Variants in CNNM4 observed in about 807,000 individuals in gnomAD.
CNNM4 encodes the protein cyclin and CBS domain divalent metal cation transport mediator 4, also known as metal transporter CNNM4.
CNNM4 carries 32 observed loss-of-function variants against 53.7 expected under a neutral mutation model. That is an observed-to-expected ratio of 0.60 (90% CI 0.45 to 0.80). The LOEUF is 0.80. Ranked by LOEUF, CNNM4 falls within the 30% of genes least tolerant of loss-of-function variation. The pLI is 0.00. For missense variants in CNNM4, 784 were observed against 1,022.0 expected (o/e 0.77, Z 3.17); for synonymous variants, 410 against 440.0 (o/e 0.93, Z 0.85).
At position 96,793,128 on chromosome 2, in the gene CNNM4, AGC is replaced by A. The variant is rs1486037112; in HGVS notation, c.1403-3883_1403-3882del. Among the ~76,000 whole-genome samples, 8 of 152,154 alleles carry A rather than the reference AGC, an allele frequency of 5.3e-5. No homozygotes were observed. The East Asian group carries it at 1.5e-3, about 29-fold the overall frequency. On this transcript the variant is annotated intron_variant, in intron 1 of 6. Coordinates refer to ENST00000377075, the MANE Select transcript of CNNM4 (RefSeq NM_020184.4). Reference sequence around the variant, plus strand: ...AGAAGCAGTGACTCCTGAGGTCAGGAGCACTGGGAGGGCTGTGCCCTGGAAGC... The same window carrying A: ...AGAAGCAGTGACTCCTGAGGTCAGGAACTGGGAGGGCTGTGCCCTGGAAGC...
At chr2:96,802,021 G>C (rs1258634662) in intron 5 of CNNM4, among the ~76,000 whole-genome samples, 1 of 139,850 alleles carries the variant, frequency 7.2e-6, no homozygotes, top group Non-Finnish European at 1.6e-5. Flanking sequence ...ACACACAGAA[G>C]CACCCACCCA....
At position 96,801,193 on chromosome 2, in the gene CNNM4, G is replaced by T; in HGVS notation, c.1948+1545G>T. ...CTGCTGCCTGTGCCTGCACACTGCAGCTGCATTAACCTCCCCACATGGACC... is the reference window on the plus strand; with the variant it reads ...CTGCTGCCTGTGCCTGCACACTGCATCTGCATTAACCTCCCCACATGGACC... On this transcript the variant is annotated intron_variant, in intron 5 of 6. Transcript: ENST00000377075. The surrounding 1 kb of genome is among the most constrained non-coding windows in gnomAD (Gnocchi z 5.6). 4 of 906,712 alleles carry T rather than the reference G, an allele frequency of 4.4e-6. No homozygotes were observed. Among genetic ancestry groups the T allele is most frequent in the Non-Finnish European group, 5.3e-6 (4 of 757,962 alleles). The allele number at this position is 906,712 out of a possible 1,614,324, so 56.2% of individuals were successfully genotyped here.
Position 96,797,261 on chromosome 2 carries a change from T to A in CNNM4, c.1546+106T>A. 6.6e-7 allele frequency: 1 copy of A among 1,512,648 alleles called. No individual in the cohort carries two copies. The allele number at this position is 1,512,648 out of a possible 1,614,324, so 93.7% of individuals were successfully genotyped here. On this transcript the variant is annotated intron_variant, in intron 2 of 6. Coordinates refer to ENST00000377075, the MANE Select transcript of CNNM4 (RefSeq NM_020184.4). This position sits in a 1 kb window ranked among gnomAD's most constrained non-coding sequence, Gnocchi z 6.0. Reference sequence around the variant, plus strand: ...GTGCAGGGACACAGGAGGCCTAGCATCCAGAGGCCCAGTGGCTGGGTGCCC... The same window carrying A: ...GTGCAGGGACACAGGAGGCCTAGCAACCAGAGGCCCAGTGGCTGGGTGCCC...
chr2:96,761,789 C>G lies in CNNM4; in HGVS notation c.790C>G (p.Leu264Val). Residue 264 changes from leucine (L) to valine (V), a missense_variant, in exon 1 of 7, where the codon CTC (leucine) becomes GTC (valine). Coordinates refer to ENST00000377075, the MANE Select transcript of CNNM4 (RefSeq NM_020184.4). This position sits in a 1 kb window ranked among gnomAD's most constrained non-coding sequence, Gnocchi z 6.0. ...NTSLTILLDNLIGSGLMAVAS... is the reference protein window; with the variant it reads ...NTSLTILLDNVIGSGLMAVAS... Reference sequence around the variant, plus strand: ...CTCCCTCACAATCCTTCTAGACAACCTCATCGGGTCCGGCCTCATGGCGGT... The same window carrying G: ...CTCCCTCACAATCCTTCTAGACAACGTCATCGGGTCCGGCCTCATGGCGGT... 4 of 1,613,406 alleles carry G rather than the reference C, an allele frequency of 2.5e-6. No individual in the cohort carries two copies. Among genetic ancestry groups the G allele is most frequent in the Non-Finnish European group, 3.4e-6 (4 of 1,180,032 alleles).
chr2:96,773,609 G>A (rs1028730727), intron 1 of CNNM4, among the ~76,000 whole-genome samples: 4 of 152,068 alleles, frequency 2.6e-5, no homozygotes, highest in Non-Finnish European at 4.4e-5. Flanking sequence ...TTGGGAGGTC[G>A]AGGTGGACAG....
chr2:96,770,367 C>T (rs577295860), intron 1 of CNNM4, among the ~76,000 whole-genome samples: 1 of 152,344 alleles, frequency 6.6e-6, no homozygotes, highest in East Asian at 1.9e-4. Context: ...AGGAGCACAA[C>T]ATCAGGGAAT....
chr2:96,761,134 G>C lies in CNNM4; in HGVS notation c.135G>C (p.Thr45=). ...ARGQGSPQQG[T]IVGMRLASCN... Reference sequence around the variant, plus strand: ...GCCAGGGCAGCCCCCAGCAGGGCACGATCGTGGGCATGAGGCTGGCGAGCT... The same window carrying C: ...GCCAGGGCAGCCCCCAGCAGGGCACCATCGTGGGCATGAGGCTGGCGAGCT... The change falls in exon 1 of 7, where the codon ACG becomes ACC. Residue 45 remains threonine, a synonymous_variant. Coordinates refer to ENST00000377075, the MANE Select transcript of CNNM4 (RefSeq NM_020184.4). The surrounding 1 kb of genome is among the most constrained non-coding windows in gnomAD (Gnocchi z 6.0). 6.3e-7 allele frequency: 1 copy of C among 1,598,826 alleles called. No individual in the cohort carries two copies. The highest frequency in any genetic ancestry group is 1.3e-5 in the African/African-American group (1 of 74,828).
At chr2:96,783,052 A>G (rs1251102678) in intron 1 of CNNM4, among the ~76,000 whole-genome samples, 2 of 152,294 alleles carry the variant, frequency 1.3e-5, no homozygotes, top group East Asian at 3.9e-4. Flanking sequence ...TTTAAAAATT[A>G]TAAATAAAAA....
rs959543713 is a variant in CNNM4 at position 96,811,146 on chromosome 2, C to G, written c.*1629C>G. On this transcript the variant is annotated 3_prime_UTR_variant, in exon 7 of 7. Coordinates refer to ENST00000377075, the MANE Select transcript of CNNM4 (RefSeq NM_020184.4). ...ATTGTCTTGCACCAAGTATGCCTAC[C>G]CCTGGCCAGTCTGAGGTCTCCTAGC... 1 of 152,376 alleles carries G rather than the reference C, an allele frequency of 6.6e-6. No homozygotes were observed. Among genetic ancestry groups the G allele is most frequent in the Middle Eastern group, 3.4e-3 (1 of 294 alleles). 9.4% of individuals were successfully genotyped at this position (152,376 alleles called of 1,614,324 possible). A position where few individuals can be genotyped will look rare whatever the true frequency, so the allele number is the denominator to read the frequency against.
At chr2:96,766,602 C>T (rs2078821595) in intron 1 of CNNM4, among the ~76,000 whole-genome samples, 1 of 152,162 alleles carries the variant, frequency 6.6e-6, no homozygotes, top group African/African-American at 2.4e-5. Flanking sequence ...TCTCGTAGCA[C>T]ACATTGCTCT....
At chr2:96,791,113 CTG>C (rs2079058630) in intron 1 of CNNM4, among the ~76,000 whole-genome samples, 1 of 142,724 alleles carries the variant, frequency 7.0e-6, no homozygotes, top group Non-Finnish European at 1.5e-5. Context: ...GAGTGAGACT[CTG>C]TCTCAAAAAA....
At chr2:96,796,895 A>C (rs753908802) in intron 1 of CNNM4, 117 bp from the exon 2 acceptor site, 2 of 1,033,182 alleles carry the variant, frequency 1.9e-6, no homozygotes, top group Non-Finnish European at 2.9e-6. Context: ...AAAGATAAAA[A>C]CCACCATGAC....
intron 3 of CNNM4, 27 bp from the exon 4 acceptor site, chr2:96,799,030 T>G (rs1176040891): frequency 6.2e-7 from 1 of 1,612,874 alleles, no homozygotes; most frequent in African/African-American, 1.3e-5. Flanking sequence ...CAGCCCCGTG[T>G]GAGGTCTCTT....
At chr2:96,799,842 T>C (rs947649864) in intron 5 of CNNM4, among the ~76,000 whole-genome samples, 194 bp downstream of exon 5, 1 of 151,866 alleles carries the variant, frequency 6.6e-6, no homozygotes, top group African/African-American at 2.4e-5. Context: ...CCACTTTGGA[T>C]GGGGTCCAGA....
intron 1 of CNNM4, among the ~76,000 whole-genome samples, chr2:96,787,833 C>T (rs1043733754): frequency 6.6e-6 from 1 of 152,146 alleles, no homozygotes; most frequent in Non-Finnish European, 1.5e-5. Flanking sequence ...GTACTGCAGC[C>T]TGGGTGACAG....
rs1404178146 is a variant in CNNM4 at position 96,809,694 on chromosome 2, T to G, written c.*177T>G. 3.2e-6 allele frequency: 2 copies of G among 623,930 alleles called. No homozygotes were observed. The highest frequency in any genetic ancestry group is 5.5e-5 in the East Asian group (2 of 36,300). The allele number at this position is 623,930 out of a possible 1,614,324, so 38.6% of individuals were successfully genotyped here. Reference sequence around the variant, plus strand: ...TCTGCCAGGGACCTCTGAGTAGCTCTGAGGTGGCACTGTCCAGCCCTGGAT... The same window carrying G: ...TCTGCCAGGGACCTCTGAGTAGCTCGGAGGTGGCACTGTCCAGCCCTGGAT... On this transcript the variant is annotated 3_prime_UTR_variant, in exon 7 of 7. Transcript: ENST00000377075.
At position 96,809,181 on chromosome 2, in the gene CNNM4, T is replaced by C; in HGVS notation, c.2131-139T>C. On this transcript the variant is annotated intron_variant, in intron 6 of 6. Transcript: ENST00000377075. ...TCTCTTGTTCGTGCACCTTGTTCTT[T>C]GTAAGGGCTTCCAGAGACGCTGACT... 5 of 1,531,194 alleles carry C rather than the reference T, an allele frequency of 3.3e-6. No homozygotes were observed. The South Asian group carries it at 3.6e-5, about 11-fold the overall frequency. 94.9% of individuals were successfully genotyped at this position (1,531,194 alleles called of 1,614,324 possible). A position where few individuals can be genotyped will look rare whatever the true frequency, so the allele number is the denominator to read the frequency against.
rs192711516 is a variant in CNNM4 at position 96,797,446 on chromosome 2, C to T, written c.1547-67C>T. On this transcript the variant is annotated intron_variant, in intron 2 of 6. Transcript: ENST00000377075. This position sits in a 1 kb window ranked among gnomAD's most constrained non-coding sequence, Gnocchi z 6.0. Reference sequence around the variant, plus strand: ...GGGCTGGAGAGCAGGAGCTGCGGGGCGGGTTCCAGTCTCTTCCTAAGTCCT... The same window carrying T: ...GGGCTGGAGAGCAGGAGCTGCGGGGTGGGTTCCAGTCTCTTCCTAAGTCCT... 1.8e-5 allele frequency: 29 copies of T among 1,597,084 alleles called. No individual in the cohort carries two copies. In the Admixed American group the frequency reaches 2.0e-4, roughly 11 times the overall value.
intron 5 of CNNM4, among the ~76,000 whole-genome samples, chr2:96,806,350 T>G (rs2079205779): frequency 6.6e-6 from 1 of 152,160 alleles, no homozygotes; most frequent in Non-Finnish European, 1.5e-5. Context: ...TCTCTCTTTT[T>G]TTTTTATTTA....
Sources: allele counts gnomAD v4.1 joint callset (sites outside exome capture counted in the v4.1 genomes callset), GRCh38; gene constraint gnomAD v4.1.1; non-coding constraint Gnocchi (gnomAD v3.1); transcripts MANE v1.5; gene names NCBI Gene and HGNC (gene_info 2026-07-23, HGNC 2026-07-21).